The following SMOC1 variants were observed in gnomAD, a reference collection of about 807,000 sequenced individuals.
The protein encoded by SMOC1 is SPARC-related modular calcium-binding protein 1.
In SMOC1, 22 loss-of-function variants were observed where a neutral mutation model predicts 56.3. The ratio of observed to expected loss-of-function variants is 0.39; its 90% CI spans 0.28 to 0.56. The LOEUF is 0.56. Ranked by LOEUF, SMOC1 falls within the 20% of genes least tolerant of loss-of-function variation. SMOC1 has a pLI of 0.61. For missense variants in SMOC1, 509 were observed against 565.4 expected (o/e 0.90, Z 1.01); for synonymous variants, 193 against 215.0 (o/e 0.90, Z 0.89).
intron 1 of SMOC1, among the ~76,000 whole-genome samples, chr14:69,931,131 C>T (rs562154451): frequency 6.6e-6 from 1 of 152,344 alleles, no homozygotes; most frequent in South Asian, 2.1e-4. Context: ...AGAACTGAGG[C>T]TCGGCTGTCT....
intron 1 of SMOC1, among the ~76,000 whole-genome samples, chr14:69,890,773 A>G (rs1883939117): frequency 6.6e-6 from 1 of 152,232 alleles, no homozygotes; most frequent in Non-Finnish European, 1.5e-5. Context: ...TGTAAAAAAT[A>G]TATTTATTGC....
intron 1 of SMOC1, among the ~76,000 whole-genome samples, chr14:69,912,854 G>A (rs1429414175): frequency 6.6e-6 from 1 of 152,136 alleles, no homozygotes; most frequent in Non-Finnish European, 1.5e-5. Context: ...CCTTCAGTTT[G>A]TGTGGCTACT....
intron 1 of SMOC1, among the ~76,000 whole-genome samples, chr14:69,903,726 C>G (rs941350098): frequency 6.6e-6 from 1 of 152,022 alleles, no homozygotes; most frequent in Non-Finnish European, 1.5e-5. Context: ...ATAGTCATCA[C>G]CACTCCCTAA....
chr14:70,023,513 G>A (rs1158760164), intron 11 of SMOC1, 66 bp downstream of exon 11: 36 of 1,604,178 alleles, frequency 2.2e-5, no homozygotes, highest in Middle Eastern at 1.7e-4. Context: ...GGGACCAAGG[G>A]CTCTCTGATA....
At chr14:69,881,838 A>G (rs1032252814) in intron 1 of SMOC1, among the ~76,000 whole-genome samples, 2 of 152,166 alleles carry the variant, frequency 1.3e-5, no homozygotes, top group African/African-American at 4.8e-5. Flanking sequence ...CTCTTACTCG[A>G]ACGAGAACAA....
chr14:69,951,024 C>T (rs1339696065), intron 1 of SMOC1, among the ~76,000 whole-genome samples: 2 of 152,198 alleles, frequency 1.3e-5, no homozygotes, highest in Non-Finnish European at 2.9e-5. Context: ...ACAGCTGGGA[C>T]TAGACTCACC....
intron 11 of SMOC1, among the ~76,000 whole-genome samples, chr14:70,028,174 T>A (rs1396506144): frequency 6.6e-6 from 1 of 152,228 alleles, no homozygotes; most frequent in African/African-American, 2.4e-5. Flanking sequence ...ATTCTCTGCA[T>A]AACATGCCTC....
intron 3 of SMOC1, among the ~76,000 whole-genome samples, chr14:69,972,844 T>A (rs1218228701): frequency 6.6e-6 from 1 of 152,216 alleles, no homozygotes; most frequent in Non-Finnish European, 1.5e-5. Flanking sequence ...AGGAGGCAGC[T>A]TTTGAACCAG....
At chr14:69,958,401 G>A (rs967145282) in intron 3 of SMOC1, among the ~76,000 whole-genome samples, 11 of 152,168 alleles carry the variant, frequency 7.2e-5, no homozygotes, top group Admixed American at 2.6e-4. Context: ...GCAAGAGATA[G>A]CAAAAAACCA....
At chr14:69,926,515 C>T (rs769148191) in intron 1 of SMOC1, among the ~76,000 whole-genome samples, 1 of 152,192 alleles carries the variant, frequency 6.6e-6, no homozygotes, top group Non-Finnish European at 1.5e-5. Context: ...GGTTTGGATT[C>T]CTTCTCCTGC....
chr14:69,915,488 G>A (rs943547644), intron 1 of SMOC1, among the ~76,000 whole-genome samples: 1 of 152,096 alleles, frequency 6.6e-6, no homozygotes, highest in African/African-American at 2.4e-5. Flanking sequence ...TTTCCTTGTT[G>A]TCAAACCTAT....
chr14:69,932,146 C>A (rs576786697), intron 1 of SMOC1, among the ~76,000 whole-genome samples: 1 of 152,320 alleles, frequency 6.6e-6, no homozygotes, highest in African/African-American at 2.4e-5. Flanking sequence ...AACGGGAACA[C>A]CCTTCTTCAC....
chr14:69,945,181 A>G (rs1197433677), intron 1 of SMOC1, among the ~76,000 whole-genome samples: 2 of 152,224 alleles, frequency 1.3e-5, no homozygotes, highest in Non-Finnish European at 2.9e-5. Flanking sequence ...GTTACGCCCT[A>G]TGTATATAAA....
intron 1 of SMOC1, among the ~76,000 whole-genome samples, chr14:69,934,138 G>A (rs1334095351): frequency 6.6e-6 from 1 of 152,166 alleles, no homozygotes; most frequent in Non-Finnish European, 1.5e-5. Flanking sequence ...TGGATCCCAG[G>A]TGTGTCTCAC....
At chr14:69,960,230 C>A (rs748467070) in intron 3 of SMOC1, among the ~76,000 whole-genome samples, 5 of 152,130 alleles carry the variant, frequency 3.3e-5, no homozygotes, top group Non-Finnish European at 7.4e-5. Context: ...GGGCCAAGGG[C>A]CTTTTTGTCT....
chr14:69,920,825 T>A, intron 1 of SMOC1, among the ~76,000 whole-genome samples: 1 of 152,154 alleles, frequency 6.6e-6, no homozygotes, highest in East Asian at 1.9e-4. Flanking sequence ...GAAGAGGACT[T>A]GCCCAGTGAA....
chr14:69,999,379 C>G (rs1884886496), intron 7 of SMOC1, among the ~76,000 whole-genome samples: 1 of 152,156 alleles, frequency 6.6e-6, no homozygotes, highest in Admixed American at 6.5e-5. Flanking sequence ...GATGTAATGA[C>G]TTGAGGCCTG....
chr14:69,891,739 T>C (rs1268719882), intron 1 of SMOC1, among the ~76,000 whole-genome samples: 1 of 152,190 alleles, frequency 6.6e-6, no homozygotes, highest in Non-Finnish European at 1.5e-5. Context: ...TTCTTCTTCA[T>C]CTTCTCCAAG....
intron 9 of SMOC1, among the ~76,000 whole-genome samples, chr14:70,011,909 G>A (rs560493527): frequency 1.3e-5 from 2 of 152,324 alleles, no homozygotes; most frequent in South Asian, 2.1e-4. Context: ...TAGCTTATAG[G>A]GAGGGGCTGT....
Sources: allele counts gnomAD v4.1 joint callset (sites outside exome capture counted in the v4.1 genomes callset), GRCh38; gene constraint gnomAD v4.1.1; transcripts MANE v1.5; gene names NCBI Gene and HGNC (gene_info 2026-07-23, HGNC 2026-07-21).